The following LRBA variants were observed in gnomAD, a reference collection of about 807,000 sequenced individuals.
LRBA encodes the protein lipopolysaccharide-responsive and beige-like anchor protein.
A neutral mutation model predicts 330.0 loss-of-function variants in LRBA; 176 were observed. The observed-to-expected ratio is 0.53, with a 90% CI of 0.47 to 0.60. The LOEUF is 0.60. Among genes scored for constraint, LRBA ranks in the 20% least tolerant of loss-of-function variants. LRBA has a pLI of 0.00. For missense variants in LRBA, 3,259 were observed against 3,444.8 expected (o/e 0.95, Z 1.35); for synonymous variants, 1,230 against 1,193.0 (o/e 1.03, Z -0.64).
chr4:150,629,924 C>T (rs1777213742), intron 37 of LRBA, among the ~76,000 whole-genome samples: 1 of 152,066 alleles, frequency 6.6e-6, no homozygotes, highest in African/African-American at 2.4e-5. Context: ...TAGCCAAGGC[C>T]ACGACATTGC....
intron 35 of LRBA, among the ~76,000 whole-genome samples, chr4:150,759,745 T>C (rs1320007215): frequency 6.6e-6 from 1 of 152,198 alleles, no homozygotes; most frequent in African/African-American, 2.4e-5. Context: ...AATCTTTATC[T>C]ATTTTGTTTA....
At chr4:150,406,245 T>C (rs1338188454) in intron 47 of LRBA, among the ~76,000 whole-genome samples, 1 of 152,098 alleles carries the variant, frequency 6.6e-6, no homozygotes, top group Non-Finnish European at 1.5e-5. Flanking sequence ...ATGGTAGACA[T>C]GAATCCAACT....
At chr4:150,429,305 G>A (rs567462005) in intron 46 of LRBA, among the ~76,000 whole-genome samples, 1 of 152,104 alleles carries the variant, frequency 6.6e-6, no homozygotes, top group African/African-American at 2.4e-5. Flanking sequence ...CAGGTGAAAG[G>A]AAAAGGAAAA....
At chr4:150,613,044 A>C (rs1775426757) in intron 37 of LRBA, among the ~76,000 whole-genome samples, 1 of 152,238 alleles carries the variant, frequency 6.6e-6, no homozygotes, top group African/African-American at 2.4e-5. Flanking sequence ...AGTCTCATTT[A>C]GCCGGTCCAA....
intron 2 of LRBA, among the ~76,000 whole-genome samples, chr4:150,932,613 G>A (rs1734634293): frequency 6.6e-6 from 1 of 152,094 alleles, no homozygotes; most frequent in Non-Finnish European, 1.5e-5. Flanking sequence ...GGTACAATAT[G>A]ACTTATTAAG....
chr4:150,435,828 G>T, intron 45 of LRBA, 120 bp from the exon 46 acceptor site: 1 of 540,284 alleles, frequency 1.9e-6, no homozygotes, highest in Non-Finnish European at 3.1e-6. Flanking sequence ...ATATAAACTA[G>T]GTATATAATG....
intron 36 of LRBA, among the ~76,000 whole-genome samples, chr4:150,706,085 G>A (rs1002120446): frequency 3.2e-4 from 49 of 151,822 alleles, no homozygotes; most frequent in Admixed American, 4.6e-4. Context: ...TGAATCAGAC[G>A]AGCTGAATCT....
intron 44 of LRBA, among the ~76,000 whole-genome samples, chr4:150,458,074 G>A (rs1447235645): frequency 6.6e-6 from 1 of 151,796 alleles, no homozygotes; most frequent in African/African-American, 2.4e-5. Flanking sequence ...AAAAAACAAT[G>A]TCTTTGGAGG....
chr4:150,544,644 C>A (rs1765670473), intron 40 of LRBA, among the ~76,000 whole-genome samples: 1 of 152,076 alleles, frequency 6.6e-6, no homozygotes, highest in Non-Finnish European at 1.5e-5. Flanking sequence ...TGTTGTTCAC[C>A]CCCTGTTGGC....
At chr4:150,527,531 C>A (rs747765529) in intron 40 of LRBA, among the ~76,000 whole-genome samples, 15 of 152,124 alleles carry the variant, frequency 9.9e-5, no homozygotes, top group Non-Finnish European at 1.3e-4. Context: ...AGAATGAGAT[C>A]TAAGAAATAA....
chr4:150,464,009 C>A (rs1357084807), intron 44 of LRBA, among the ~76,000 whole-genome samples: 12 of 146,184 alleles, frequency 8.2e-5, no homozygotes, highest in Admixed American at 1.4e-4. Context: ...AACATATCCT[C>A]AAAAAAAAAA....
At chr4:150,989,616 A>G (rs1207935006) in intron 2 of LRBA, among the ~76,000 whole-genome samples, 3 of 152,116 alleles carry the variant, frequency 2.0e-5, no homozygotes, top group African/African-American at 7.2e-5. Flanking sequence ...CCATCTCAAA[A>G]AAAAGAACTC....
chr4:150,270,876 A>T, intron 56 of LRBA, among the ~76,000 whole-genome samples: 1 of 152,220 alleles, frequency 6.6e-6, no homozygotes, highest in Admixed American at 6.5e-5. Context: ...CAGCTCTTTC[A>T]ATTTTATTTA....
intron 48 of LRBA, 55 bp downstream of exon 48, chr4:150,349,937 C>T: frequency 6.6e-7 from 1 of 1,510,302 alleles, no homozygotes; most frequent in Non-Finnish European, 9.2e-7. Flanking sequence ...TCTCTAGCTC[C>T]TTCTAGTTTA....
chr4:150,876,578 T>A (rs946963555), intron 17 of LRBA, among the ~76,000 whole-genome samples: 1 of 152,066 alleles, frequency 6.6e-6, no homozygotes. Context: ...TAAAAGAAAA[T>A]AAATTTAGCC....
chr4:150,527,104 ATT>A (rs1378916832), intron 40 of LRBA, among the ~76,000 whole-genome samples: 1 of 151,614 alleles, frequency 6.6e-6, no homozygotes, highest in Non-Finnish European at 1.5e-5. Context: ...GTATCATTTA[ATT>A]TGTTTTTGTA....
At chr4:150,709,149 A>G (rs1320770082) in intron 36 of LRBA, among the ~76,000 whole-genome samples, 2 of 151,314 alleles carry the variant, frequency 1.3e-5, no homozygotes, top group East Asian at 1.9e-4. Flanking sequence ...GAGAGGTTCA[A>G]TGAATTTTAT....
At position 150,840,887 on chromosome 4, in the gene LRBA, T is replaced by C. The variant is rs539334089; in HGVS notation, c.4569+3213A>G. On this transcript the variant is annotated intron_variant, in intron 28 of 56. Transcript: ENST00000651943. ...AAACTAATGGTAAAAATGAGACTAA[T>C]TGTTAATACTTAATGTCAAAAATTT... The C allele has an allele frequency of 5.7e-5, 58 of 1,019,808 alleles. No individual in the cohort carries two copies. In the South Asian group the frequency reaches 8.8e-4, roughly 15 times the overall value. 63.2% of individuals were successfully genotyped at this position (1,019,808 alleles called of 1,614,324 possible). A position where few individuals can be genotyped will look rare whatever the true frequency, so the allele number is the denominator to read the frequency against.
intron 2 of LRBA, among the ~76,000 whole-genome samples, chr4:150,970,466 C>T (rs554732921): frequency 2.1e-4 from 31 of 151,190 alleles, no homozygotes; most frequent in African/African-American, 7.5e-4. Context: ...CACTACTGCA[C>T]TTCAGCCTGG....
Sources: gnomAD v4.1 joint callset for allele counts (sites outside exome capture counted in the v4.1 genomes callset) on GRCh38, gnomAD v4.1.1 for gene constraint, MANE v1.5 for transcripts, NCBI Gene and HGNC (gene_info 2026-07-23, HGNC 2026-07-21) for gene names.